The following OTUD4 variants were observed in gnomAD, a reference collection of about 807,000 sequenced individuals.
OTUD4 encodes the protein OTU deubiquitinase 4, also known as OTU domain-containing protein 4.
Under a neutral mutation model 130.4 loss-of-function variants are expected in OTUD4, and 24 were observed. That is an observed-to-expected ratio of 0.18 (90% confidence interval 0.13 to 0.26). The LOEUF (loss-of-function observed/expected upper bound fraction) is 0.26, where lower values mean the gene tolerates loss of function less well. Ranked by LOEUF, OTUD4 falls within the 10% of genes least tolerant of loss-of-function variation. The pLI is 1.00. For missense variants in OTUD4, 1,031 were observed against 1,329.4 expected (o/e 0.78, Z 3.49); for synonymous variants, 420 against 472.5 (o/e 0.89, Z 1.44).
chr4:145,152,718 C>CTT (rs376046110), intron 10 of OTUD4, 83 bp from the exon 11 acceptor site: 1,030 of 577,328 alleles, frequency 1.8e-3, no homozygotes, highest in East Asian at 2.4e-3. Context: ...TTTTGCGGTT[C>CTT]TTTTTTTTTT....
chr4:145,142,125 C>CA, intron 18 of OTUD4, 71 bp downstream of exon 18: 1 of 1,359,832 alleles, frequency 7.4e-7, no homozygotes, highest in Non-Finnish European at 1.0e-6. Context: ...GTCAAACTTC[C>CA]ACTCAAGAAT....
chr4:145,177,779 C>G (rs1171638071), intron 1 of OTUD4, among the ~76,000 whole-genome samples: 6 of 152,190 alleles, frequency 3.9e-5, no homozygotes, highest in Admixed American at 3.9e-4. Context: ...TAACTCGAGT[C>G]TCCTCCCCGT....
intron 11 of OTUD4, 55 bp downstream of exon 11, chr4:145,152,486 T>C: frequency 1.1e-6 from 1 of 946,930 alleles, no homozygotes; most frequent in Non-Finnish European, 1.7e-6. Flanking sequence ...AAAATGCTCA[T>C]GATTAGGCTA....
chr4:145,157,090 T>C (rs2126773647), intron 7 of OTUD4, among the ~76,000 whole-genome samples: 1 of 152,280 alleles, frequency 6.6e-6, no homozygotes, highest in Non-Finnish European at 1.5e-5. Flanking sequence ...TGCTAGGGTC[T>C]AGCATTTAAG....
chr4:145,164,254 T>C (rs1751735975), intron 4 of OTUD4, 28 bp from the exon 5 acceptor site: 8 of 990,234 alleles, frequency 8.1e-6, no homozygotes, highest in South Asian at 2.9e-5. Context: ...AAATTATTTA[T>C]AATGGACTAT....
At chr4:145,179,447 G>A (rs1359106536) in intron 1 of OTUD4, 1 of 236,296 alleles carries the variant, frequency 4.2e-6, no homozygotes, top group South Asian at 6.5e-5. Context: ...GGGTGAGCGT[G>A]GTGCTTCTCA....
intron 3 of OTUD4, among the ~76,000 whole-genome samples, chr4:145,168,296 C>A (rs1751975311): frequency 6.6e-6 from 1 of 151,370 alleles, no homozygotes; most frequent in African/African-American, 2.4e-5. Context: ...AGGGGAATCA[C>A]TTGAACTCGG....
At position 145,150,519 on chromosome 4, in the gene OTUD4, A is replaced by T. The variant is rs1314183938; in HGVS notation, c.1253T>A (p.Ile418Asn). ...TTACATTCAAGAAGGTTACCTTATG[A>T]TCTGTGAAGGTGTCCGGCTAAGATT... ...HKNLSRTPSQ[I>N]IRKPDRERVE... Residue 418 changes from isoleucine to asparagine, a missense_variant, in exon 13 of 21, where the codon ATC (isoleucine) becomes AAC (asparagine). By Grantham distance (149) the Ile-to-Asn change is moderately radical (BLOSUM62 -3). Transcript: ENST00000447906. The T allele has an allele frequency of 1.3e-6, 2 of 1,597,510 alleles. No homozygotes were observed. The highest frequency in any genetic ancestry group is 1.7e-6 in the Non-Finnish European group (2 of 1,165,966).
chr4:145,158,944 C>A (rs533773181), intron 7 of OTUD4, among the ~76,000 whole-genome samples: 1 of 152,284 alleles, frequency 6.6e-6, no homozygotes, highest in South Asian at 2.1e-4. Context: ...AACCAGAGCC[C>A]AACCTCTTAA....
rs150048449 is a variant in OTUD4, at chr4:145,138,195, A to C, written c.2580T>G (p.His860Gln). ...CCTGAAAAGGGTACCCATACCAAACATGAGGAAAGAAAGGAGGTGCAATAG... is the reference window on the plus strand; with the variant it reads ...CCTGAAAAGGGTACCCATACCAAACCTGAGGAAAGAAAGGAGGTGCAATAG... ...PVPIAPPFFP[H>Q]VWYGYPFQGF... Residue 860 changes from histidine (H) to glutamine (Q), a missense_variant, in exon 21 of 21, where the codon CAT (histidine) becomes CAG (glutamine). His to Gln is a conservative substitution (Grantham distance 24). This residue lies in a region of OTUD4 where 900 missense variants were observed against 1,095.9 expected (regional missense o/e 0.82). Transcript: ENST00000447906. 4 of 1,613,950 alleles carry C rather than the reference A, an allele frequency of 2.5e-6. No homozygotes were observed. The highest frequency in any genetic ancestry group is 3.4e-6 in the Non-Finnish European group (4 of 1,179,852).
chr4:145,156,029 A>T, intron 7 of OTUD4, 33 bp from the exon 8 acceptor site: 1 of 1,572,660 alleles, frequency 6.4e-7, no homozygotes, highest in Non-Finnish European at 8.7e-7. Context: ...TTGGGGCAGA[A>T]AAAGGTATTT....
chr4:145,140,981 C>T (rs139354400), intron 19 of OTUD4, among the ~76,000 whole-genome samples: 2 of 151,748 alleles, frequency 1.3e-5, no homozygotes, highest in African/African-American at 2.4e-5. Flanking sequence ...CTGGCTAACA[C>T]GGTGAAACCC....
chr4:145,155,871 G>T, intron 8 of OTUD4, 65 bp downstream of exon 8: 1 of 1,332,858 alleles, frequency 7.5e-7, no homozygotes, highest in East Asian at 2.3e-5. Context: ...AAAAAATTAA[G>T]ATTTTAATGT....
rs1751038163 is a variant in OTUD4 at position 145,150,921 on chromosome 4, G to A, written c.969-16C>T. The A allele has an allele frequency of 2.6e-6, 4 of 1,540,348 alleles. No homozygotes were observed. Among genetic ancestry groups the A allele is most frequent in the Non-Finnish European group, 3.6e-6 (4 of 1,120,406 alleles). On this transcript the variant is annotated splice_polypyrimidine_tract_variant and intron_variant, in intron 11 of 20. Transcript: ENST00000447906. ...TGATGTGTGCCTTCAAAGGGGAAAAGACTTGTGATAGCTTAAAATACCCTA... is the reference window on the plus strand; with the variant it reads ...TGATGTGTGCCTTCAAAGGGGAAAAAACTTGTGATAGCTTAAAATACCCTA...
intron 2 of OTUD4, among the ~76,000 whole-genome samples, chr4:145,171,941 G>A (rs1399202638): frequency 1.3e-5 from 2 of 152,200 alleles, no homozygotes; most frequent in East Asian, 3.8e-4. Context: ...AATTCTGTCA[G>A]GAAAGGTTTC....
intron 3 of OTUD4, among the ~76,000 whole-genome samples, chr4:145,166,515 A>G (rs1203915909): frequency 2.6e-5 from 4 of 152,136 alleles, no homozygotes; most frequent in Non-Finnish European, 4.4e-5. Flanking sequence ...AAAAAAAAAA[A>G]AGTCCCTAAG....
At position 145,179,894 on chromosome 4, in the gene OTUD4, G is replaced by A. The variant is rs2126820756; in HGVS notation, c.80C>T (p.Ala27Val). 1 of 1,529,136 alleles carries A rather than the reference G, an allele frequency of 6.5e-7. No individual in the cohort carries two copies. The highest frequency in any genetic ancestry group is 8.7e-7 in the Non-Finnish European group (1 of 1,144,316). 94.7% of individuals were successfully genotyped at this position (1,529,136 alleles called of 1,614,324 possible). Residue 27 changes from alanine (A) to valine (V), a missense_variant, in exon 1 of 21, where the codon GCC becomes GTC. Ala to Val is a moderately conservative substitution (Grantham distance 64). Around this residue, in one of 3 missense-constraint regions of OTUD4, gnomAD observed 54 missense variants for 60.6 expected, o/e 0.89. Coordinates refer to ENST00000447906, the MANE Select transcript of OTUD4 (RefSeq NM_001366057.1). ...ATACAAGCCCAGTTTCCGCAGATAG[G>A]CGTCCATGGGCGTCGCGTCCTCGCG... ...GPREDATPMDAYLRKLGLYRK... is the reference protein window; with the variant it reads ...GPREDATPMDVYLRKLGLYRK...
chr4:145,159,479 G>A (rs1047743414), intron 7 of OTUD4, 24 bp downstream of exon 7: 3 of 1,612,326 alleles, frequency 1.9e-6, no homozygotes, highest in South Asian at 1.1e-5. Flanking sequence ...CACTAAGAAA[G>A]GTATTTTAGG....
chr4:145,153,100 T>C (rs1026823724), intron 10 of OTUD4, among the ~76,000 whole-genome samples: 2 of 152,186 alleles, frequency 1.3e-5, no homozygotes, highest in African/African-American at 4.8e-5. Context: ...TAAGTTCAAA[T>C]AGGTCTACAA....
Sources: gnomAD v4.1 joint callset for allele counts (sites outside exome capture counted in the v4.1 genomes callset) on GRCh38, gnomAD v4.1.1 for gene constraint, gnomAD v4.1.1 regional missense constraint, MANE v1.5 for transcripts, NCBI Gene and HGNC (gene_info 2026-07-23, HGNC 2026-07-21) for gene names.